DST: variants seen among roughly 807,000 people sequenced by gnomAD.
DST encodes the protein dystonin, also known as bullous pemphigoid antigen.
Under a neutral mutation model 875.2 loss-of-function variants are expected in DST, and 253 were observed. That is an observed-to-expected ratio of 0.29 (90% CI 0.26 to 0.32). The LOEUF (loss-of-function observed/expected upper bound fraction) is 0.32, where lower values mean the gene tolerates loss of function less well. DST is among the 10% of genes least tolerant of loss of function. DST has a pLI of 1.00. For missense variants in DST, 8,287 were observed against 9,111.6 expected (o/e 0.91, Z 3.68); for synonymous variants, 3,124 against 3,197.1 (o/e 0.98, Z 0.77).
intron 9 of DST, among the ~76,000 whole-genome samples, chr6:56,678,818 A>T (rs1236862098): frequency 6.6e-6 from 1 of 152,210 alleles, no homozygotes; most frequent in East Asian, 1.9e-4. Flanking sequence ...TATCTACATG[A>T]ACAAGCTTTA....
In DST at chr6:56,606,845, G is replaced by A. The variant is rs768357702; in HGVS notation, c.7783C>T (p.Leu2595=). Residue 2595 remains leucine (L), a synonymous_variant, in exon 40 of 104, where the codon CTG becomes TTG. Transcript: ENST00000680361. ...CCTGTGTTATTCTGCTGATCATTCA[G>A]CAGTGACGTTTCATAGTCACTAGCA... The part of the protein sequence containing the change: ...ISASDYETSL[L]NDQQNNTGTD... 5 of 1,613,158 alleles carry A rather than the reference G, an allele frequency of 3.1e-6. No individual in the cohort carries two copies. The Middle Eastern group carries it at 8.3e-4, about 266-fold the overall frequency.
chr6:56,541,869 C>T (rs1415931577), intron 61 of DST, among the ~76,000 whole-genome samples: 1 of 152,152 alleles, frequency 6.6e-6, no homozygotes, highest in Non-Finnish European at 1.5e-5. Context: ...CCAAAGTCCC[C>T]GTTCACACAC....
chr6:56,865,514 T>C (rs1562223986), intron 3 of DST, among the ~76,000 whole-genome samples: 1 of 152,040 alleles, frequency 6.6e-6, no homozygotes, highest in East Asian at 1.9e-4. Context: ...TTTTTTGTTT[T>C]TTGAAGAGAT....
intron 4 of DST, among the ~76,000 whole-genome samples, chr6:56,756,087 T>C (rs576396005): frequency 1.3e-5 from 2 of 152,326 alleles, no homozygotes; most frequent in South Asian, 2.1e-4. Flanking sequence ...ATTTTTCCTG[T>C]TCAGGCTTTG....
chr6:56,553,253 G>T lies in DST; in HGVS notation c.15539C>A (p.Pro5180Gln), dbSNP rs1283571775. The change falls in exon 61 of 104, where the codon CCA becomes CAA. Residue 5180 changes from proline to glutamine, a missense_variant. Transcript: ENST00000680361. ...KYKEQVETLW[P>Q]WIDKCQNNLE... Reference sequence around the variant, plus strand: ...GTTGTTTTGGCATTTGTCTATCCATGGCCAGAGAGTCTCTACTTGCTCTTT... The same window carrying T: ...GTTGTTTTGGCATTTGTCTATCCATTGCCAGAGAGTCTCTACTTGCTCTTT... 6.2e-7 allele frequency: 1 copy of T among 1,613,760 alleles called. No homozygotes were observed. The highest frequency in any genetic ancestry group is 1.7e-5 in the Admixed American group (1 of 60,022).
intron 36 of DST, chr6:56,619,241 T>G: frequency 6.2e-7 from 1 of 1,613,492 alleles, no homozygotes; most frequent in Non-Finnish European, 8.5e-7. Context: ...AACTATATTC[T>G]CTGATTCTGC....
intron 2 of DST, among the ~76,000 whole-genome samples, chr6:56,938,108 CTATA>C (rs3031114): frequency 0.43 from 51,469 of 120,154 alleles, 11,030 homozygotes; most frequent in East Asian, 0.67. Flanking sequence ...CTCTCTCTCT[CTATA>C]TATATATATA....
intron 5 of DST, among the ~76,000 whole-genome samples, chr6:56,712,877 CTAA>C (rs1288207032): frequency 2.0e-5 from 3 of 152,142 alleles, no homozygotes; most frequent in Admixed American, 6.5e-5. Context: ...ATCCTCCCAG[CTAA>C]TGACTCTCTT....
At position 56,508,622 on chromosome 6, in the gene DST, T is replaced by G. The variant is rs929627901; in HGVS notation, c.19146A>C (p.Ile6382=). ...EKFWCDHMSL[I]VTIKDTQDFI... is the part of the protein sequence containing the mutation. ...AATCTTGAGTATCTTTAATGGTAAC[T>G]ATCAATGACATGTGATCACACCAGA... is the stretch of plus-strand genomic sequence containing the variant. The change falls in exon 75 of 104, where the codon ATA becomes ATC. Residue 6382 remains isoleucine (I), a synonymous_variant. Coordinates refer to ENST00000680361, the MANE Select transcript of DST (RefSeq NM_001374736.1). 6 of 1,613,894 alleles carry G rather than the reference T, an allele frequency of 3.7e-6. No individual in the cohort carries two copies. Among genetic ancestry groups the G allele is most frequent in the Non-Finnish European group, 5.1e-6 (6 of 1,179,800 alleles).
intron 15 of DST, chr6:56,642,963 G>T: frequency 7.1e-7 from 1 of 1,400,162 alleles, no homozygotes; most frequent in Non-Finnish European, 9.4e-7. Context: ...ATAATATGCT[G>T]ATAACTATTC....
At chr6:56,741,012 T>C (rs2099544946) in intron 4 of DST, among the ~76,000 whole-genome samples, 1 of 152,116 alleles carries the variant, frequency 6.6e-6, no homozygotes, top group Non-Finnish European at 1.5e-5. Context: ...ATTTTCTTCT[T>C]GGGTAAAAAA....
chr6:56,923,775 T>A (rs967698615), intron 2 of DST, among the ~76,000 whole-genome samples: 1 of 152,152 alleles, frequency 6.6e-6, no homozygotes, highest in East Asian at 1.9e-4. Context: ...CCACCCACAT[T>A]ATGGAAGGCA....
At chr6:56,596,652 A>G (rs550938264) in intron 47 of DST, among the ~76,000 whole-genome samples, 2 of 152,318 alleles carry the variant, frequency 1.3e-5, no homozygotes, top group East Asian at 1.9e-4. Flanking sequence ...TGTATTTTCT[A>G]TAAGAACCTC....
chr6:56,616,576 G>C, intron 36 of DST: 1 of 1,614,154 alleles, frequency 6.2e-7, no homozygotes, highest in East Asian at 2.2e-5. Context: ...GAGCTTGCTT[G>C]TTATTGGGAT....
At chr6:56,471,325 T>C (rs1269459013) in intron 94 of DST, 57 bp from the exon 95 acceptor site, 2 of 1,279,248 alleles carry the variant, frequency 1.6e-6, no homozygotes, top group Non-Finnish European at 2.2e-6. Flanking sequence ...TTGTAGACTA[T>C]ACTATATGAA....
intron 4 of DST, among the ~76,000 whole-genome samples, chr6:56,747,988 A>T (rs1296379364): frequency 6.6e-6 from 1 of 152,198 alleles, no homozygotes; most frequent in African/African-American, 2.4e-5. Flanking sequence ...TAAAAATAAA[A>T]TCAACAAATT....
chr6:56,514,781 C>T (rs2096558062), intron 72 of DST, among the ~76,000 whole-genome samples: 1 of 152,096 alleles, frequency 6.6e-6, no homozygotes, highest in Non-Finnish European at 1.5e-5. Context: ...AAATTTTAAG[C>T]CATATTAACA....
chr6:56,555,746 G>C lies in DST; in HGVS notation c.14735C>G (p.Ser4912Cys). ...GILSRPGEDP[S>C]LRGIVKEQLA... Reference sequence around the variant, plus strand: ...TTGCTCTTTCACAATCCCACGTAAAGAAGGGTCTTCTCCAGGCCTGCTCAG... The same window carrying C: ...TTGCTCTTTCACAATCCCACGTAAACAAGGGTCTTCTCCAGGCCTGCTCAG... The change falls in exon 60 of 104, where the codon TCT becomes TGT. Residue 4912 changes from serine to cysteine, a missense_variant. Coordinates refer to ENST00000680361, the MANE Select transcript of DST (RefSeq NM_001374736.1). The C allele has an allele frequency of 1.2e-6, 2 of 1,605,248 alleles. No individual in the cohort carries two copies. Among genetic ancestry groups the C allele is most frequent in the Non-Finnish European group, 1.7e-6 (2 of 1,172,840 alleles).
At chr6:56,510,517 CAT>C (rs1245974218) in intron 73 of DST, among the ~76,000 whole-genome samples, 3 of 152,094 alleles carry the variant, frequency 2.0e-5, no homozygotes, top group African/African-American at 4.8e-5. Context: ...TAATCAGACA[CAT>C]GAGAGAATGT....
Sources: allele counts gnomAD v4.1 joint callset (sites outside exome capture counted in the v4.1 genomes callset), GRCh38; gene constraint gnomAD v4.1.1; transcripts MANE v1.5; gene names NCBI Gene and HGNC (gene_info 2026-07-23, HGNC 2026-07-21).